Variants in TRPC5 observed in about 807,000 individuals in gnomAD.
TRPC5 encodes the protein transient receptor potential cation channel subfamily C member 5, also known as short transient receptor potential channel 5.
In TRPC5, 9 loss-of-function variants were observed where a neutral mutation model predicts 56.5. The ratio of observed to expected loss-of-function variants is 0.16; its 90% CI spans 0.10 to 0.28. TRPC5 has a LOEUF of 0.28. Ranked by LOEUF, TRPC5 falls within the 10% of genes least tolerant of loss-of-function variation. The probability of loss-of-function intolerance (pLI) is 1.00; values close to 1 mark genes in which losing one functional copy is unlikely to be tolerated. For synonymous variants in TRPC5, 282 were observed against 278.5 expected (o/e 1.01, Z -0.13); for missense variants, 469 against 748.9 (o/e 0.63, Z 4.36).
chrX:111,779,121 C>T (rs773683075), intron 9 of TRPC5, 47 bp from the exon 10 acceptor site: 1 of 941,349 alleles, frequency 1.1e-6, no homozygotes, highest in Admixed American at 2.5e-5. Flanking sequence ...TTCTCAGGCT[C>T]TCAGTACAGT....
chrX:111,968,148 T>C (rs1282052339), intron 1 of TRPC5, among the ~76,000 whole-genome samples: 1 of 110,721 alleles, frequency 9.0e-6, no homozygotes, highest in Non-Finnish European at 1.9e-5. Context: ...AAAAACCCCA[T>C]CAAAAAGTGG....
intron 7 of TRPC5, among the ~76,000 whole-genome samples, chrX:111,796,627 C>A (rs1055208534): frequency 2.5e-4 from 28 of 112,030 alleles, no homozygotes; most frequent in Non-Finnish European, 4.5e-4. Flanking sequence ...TGCCTTGAAT[C>A]AATAGTTCTC....
At chrX:111,850,066 G>A (rs952355783) in intron 5 of TRPC5, among the ~76,000 whole-genome samples, 7 of 111,677 alleles carry the variant, frequency 6.3e-5, no homozygotes, top group African/African-American at 2.3e-4. Flanking sequence ...AATTTGAGGG[G>A]GGTGTTATTA....
intron 3 of TRPC5, among the ~76,000 whole-genome samples, chrX:111,905,680 C>T (rs1427479631): frequency 8.1e-5 from 9 of 110,649 alleles, no homozygotes; most frequent in Non-Finnish European, 1.5e-4. Context: ...TTTGGGAGGC[C>T]AAGGCAAGTG....
At chrX:112,024,987 A>G (rs746061466) in intron 1 of TRPC5, among the ~76,000 whole-genome samples, 3 of 112,051 alleles carry the variant, frequency 2.7e-5, no homozygotes, top group African/African-American at 9.7e-5. Context: ...AATAATATCA[A>G]CTCCCAACAT....
At chrX:112,037,289 A>T (rs778239072) in intron 1 of TRPC5, among the ~76,000 whole-genome samples, 2 of 110,954 alleles carry the variant, frequency 1.8e-5, no homozygotes, top group Non-Finnish European at 3.8e-5. Flanking sequence ...TTCACAGTTC[A>T]CCTAGCTTTT....
intron 2 of TRPC5, among the ~76,000 whole-genome samples, chrX:111,933,383 G>T (rs768881244): frequency 4.6e-4 from 51 of 111,342 alleles, no homozygotes; most frequent in African/African-American, 1.6e-3. Context: ...CTGTACAGGT[G>T]AAGTGAAGGG....
In TRPC5 at chrX:111,781,177, A is replaced by G. The variant is rs1301748346; in HGVS notation, c.2130T>C (p.Asn710=). 2 of 1,208,464 alleles carry G rather than the reference A, an allele frequency of 1.7e-6. No individual in the cohort carries two copies. The highest frequency in any genetic ancestry group is 2.2e-6 in the Non-Finnish European group (2 of 894,093). The change falls in exon 9 of 11, where the codon AAT becomes AAC. Residue 710 remains asparagine (N), a synonymous_variant. Coordinates refer to ENST00000262839, the MANE Select transcript of TRPC5 (RefSeq NM_012471.3). ...GAGGAAGCTTTACCTGATAATGTTGATTTTGTATCAGGCTGTCAGCATTGC... is the reference window on the plus strand; with the variant it reads ...GAGGAAGCTTTACCTGATAATGTTGGTTTTGTATCAGGCTGTCAGCATTGC... The part of the protein sequence containing the change: ...TERNADSLIQ[N]QHYQEVIRNL...
intron 3 of TRPC5, among the ~76,000 whole-genome samples, chrX:111,875,564 TTTTC>T (rs1258907361): frequency 9.8e-6 from 1 of 101,973 alleles, no homozygotes; most frequent in Non-Finnish European, 1.9e-5. Context: ...TGTTTTTCTT[TTTTC>T]TTTCTTTTTT....
intron 1 of TRPC5, among the ~76,000 whole-genome samples, chrX:111,992,717 C>T (rs1928393031): frequency 9.2e-6 from 1 of 108,965 alleles, no homozygotes; most frequent in East Asian, 2.9e-4. Flanking sequence ...ATTCTCCTGC[C>T]TCAGCCTCGT....
intron 2 of TRPC5, among the ~76,000 whole-genome samples, chrX:111,936,221 G>A (rs1247138883): frequency 3.6e-5 from 4 of 111,522 alleles, no homozygotes; most frequent in African/African-American, 1.3e-4. Context: ...TATGGTAAAT[G>A]AGATTGCTTT....
At chrX:111,799,976 T>G (rs1921251331) in intron 7 of TRPC5, among the ~76,000 whole-genome samples, 1 of 112,246 alleles carries the variant, frequency 8.9e-6, no homozygotes, top group African/African-American at 3.2e-5. Flanking sequence ...AGAGTTCTGA[T>G]TATTCAAGAC....
At chrX:111,799,411 G>A (rs1178453998) in intron 7 of TRPC5, among the ~76,000 whole-genome samples, 1 of 111,281 alleles carries the variant, frequency 9.0e-6, no homozygotes, top group African/African-American at 3.3e-5. Context: ...CACTCAGAAT[G>A]CTGTGAGTTC....
At chrX:111,866,786 T>G (rs1923561913) in intron 3 of TRPC5, among the ~76,000 whole-genome samples, 1 of 112,635 alleles carries the variant, frequency 8.9e-6, no homozygotes, top group South Asian at 3.7e-4. Context: ...CTCACCAGTC[T>G]ACTGTATGTG....
At chrX:111,929,472 AT>A (rs750195134) in intron 2 of TRPC5, among the ~76,000 whole-genome samples, 1 of 112,501 alleles carries the variant, frequency 8.9e-6, no homozygotes, top group African/African-American at 3.2e-5. Context: ...TTGCCACTAT[AT>A]TTCATTTAAT....
intron 7 of TRPC5, among the ~76,000 whole-genome samples, chrX:111,824,768 C>G (rs1210150720): frequency 8.9e-6 from 1 of 111,869 alleles, no homozygotes; most frequent in Non-Finnish European, 1.9e-5. Flanking sequence ...TTTTGCTTCT[C>G]CTCATTGTTG....
At chrX:111,811,688 TCA>T (rs1488576145) in intron 7 of TRPC5, among the ~76,000 whole-genome samples, 1 of 111,281 alleles carries the variant, frequency 9.0e-6, no homozygotes, top group Non-Finnish European at 1.9e-5. Flanking sequence ...AGTCTTTGAG[TCA>T]CAGTTTTCTC....
chrX:111,902,341 C>T (rs1452132421), intron 3 of TRPC5: 15 of 375,815 alleles, frequency 4.0e-5, no homozygotes, highest in Non-Finnish European at 6.5e-5. Flanking sequence ...ATTTGATTTA[C>T]TTCTAGCAAA....
At chrX:111,917,741 A>G (rs1178803451) in intron 2 of TRPC5, among the ~76,000 whole-genome samples, 1 of 112,408 alleles carries the variant, frequency 8.9e-6, no homozygotes, top group East Asian at 2.8e-4. Flanking sequence ...GGCTCCACCT[A>G]TCTACTCCAA....
Sources: allele counts gnomAD v4.1 joint callset (sites outside exome capture counted in the v4.1 genomes callset), GRCh38; gene constraint gnomAD v4.1.1; transcripts MANE v1.5; gene names NCBI Gene and HGNC (gene_info 2026-07-23, HGNC 2026-07-21).